Variants in OPCML observed in about 807,000 individuals in gnomAD.
The protein encoded by OPCML is opioid-binding protein/cell adhesion molecule.
In OPCML, 13 loss-of-function variants were observed where a neutral mutation model predicts 37.8. The ratio of observed to expected loss-of-function variants is 0.34; its 90% CI spans 0.22 to 0.55. The LOEUF (loss-of-function observed/expected upper bound fraction) is 0.55, where lower values mean the gene tolerates loss of function less well. Among genes scored for constraint, OPCML ranks in the 20% least tolerant of loss-of-function variants. The probability of loss-of-function intolerance (pLI) is 0.91; values close to 1 mark genes in which losing one functional copy is unlikely to be tolerated. For synonymous variants in OPCML, 176 were observed against 168.8 expected, an observed-to-expected ratio of 1.04 and a Z score of -0.33; for missense variants, 341 against 435.6, an observed-to-expected ratio of 0.78 and a Z score of 1.93.
intron 2 of OPCML, among the ~76,000 whole-genome samples, chr11:132,835,934 A>G (rs757423174): frequency 1.3e-5 from 2 of 152,144 alleles, no homozygotes; most frequent in Non-Finnish European, 2.9e-5. Flanking sequence ...TCTACTTACA[A>G]ATATCCATTT....
At position 133,070,796 on chromosome 11, in the gene OPCML, G is replaced by A. The variant is rs976707917; in HGVS notation, c.62-127786C>T. Among the ~76,000 whole-genome samples the A allele has an allele frequency of 9.8e-5, 15 of 152,336 alleles. 1 individual carries two copies. The East Asian group carries it at 2.3e-3, about 24-fold the overall frequency. On this transcript the variant is annotated intron_variant, in intron 1 of 7. Coordinates refer to ENST00000524381, the MANE Select transcript of OPCML (RefSeq NM_001012393.5). ...GAATGAAAATTGTACCAGGGATAAA[G>A]ACAAAGGAGCAGGGGCTGGGGGTCA... is the stretch of plus-strand genomic sequence containing the variant.
chr11:133,093,093 G>A (rs923792773), intron 1 of OPCML, among the ~76,000 whole-genome samples: 5 of 151,896 alleles, frequency 3.3e-5, no homozygotes, highest in Non-Finnish European at 7.4e-5. Context: ...TATTTCAATA[G>A]GTTTTTGATG....
chr11:133,080,807 T>G (rs1591982632), intron 1 of OPCML, among the ~76,000 whole-genome samples: 1 of 152,180 alleles, frequency 6.6e-6, no homozygotes, highest in Non-Finnish European at 1.5e-5. Context: ...GGCATCTGTT[T>G]GTTCACCTCT....
intron 2 of OPCML, among the ~76,000 whole-genome samples, chr11:132,792,853 G>A (rs780966176): frequency 6.6e-6 from 1 of 152,142 alleles, no homozygotes; most frequent in African/African-American, 2.4e-5. Context: ...ATTATTCGCC[G>A]GGCCCGGGCA....
intron 1 of OPCML, among the ~76,000 whole-genome samples, chr11:133,495,172 T>G (rs1591564513): frequency 6.6e-6 from 1 of 152,334 alleles, no homozygotes; most frequent in East Asian, 1.9e-4. Context: ...TTTCCATTCC[T>G]GAGTTACTTC....
chr11:132,637,989 C>T (rs1028587495), intron 3 of OPCML, among the ~76,000 whole-genome samples: 4 of 152,040 alleles, frequency 2.6e-5, no homozygotes, highest in Non-Finnish European at 5.9e-5. Flanking sequence ...ACCTCATGGG[C>T]AATGAAGTTG....
chr11:132,707,232 C>T (rs541264415), intron 2 of OPCML, among the ~76,000 whole-genome samples: 6 of 152,192 alleles, frequency 3.9e-5, no homozygotes, highest in South Asian at 4.2e-4. Flanking sequence ...GAGCAATATA[C>T]GGAACTGTAT....
intron 1 of OPCML, among the ~76,000 whole-genome samples, chr11:133,366,739 A>T (rs1944548588): frequency 6.6e-6 from 1 of 152,226 alleles, no homozygotes; most frequent in Non-Finnish European, 1.5e-5. Flanking sequence ...CTTCCACAGC[A>T]ACTTAGTATT....
At chr11:132,934,033 G>A (rs1187550167) in intron 2 of OPCML, among the ~76,000 whole-genome samples, 1 of 152,152 alleles carries the variant, frequency 6.6e-6, no homozygotes, top group Non-Finnish European at 1.5e-5. Context: ...ACCAATAACT[G>A]AGACACAGGC....
At position 133,065,146 on chromosome 11, in the gene OPCML, C is replaced by T. The variant is rs73035089; in HGVS notation, c.62-122136G>A. On this transcript the variant is annotated intron_variant, in intron 1 of 7. Transcript: ENST00000524381. ...AGCCGGACCTGGACGAGCATGAAGTCCCGCAGGAGGAAGGCGGCCCAGAGC... is the reference window on the plus strand; with the variant it reads ...AGCCGGACCTGGACGAGCATGAAGTTCCGCAGGAGGAAGGCGGCCCAGAGC... 1,389 of 152,560 alleles carry T rather than the reference C, an allele frequency of 9.1e-3. 10 individuals are homozygous for T. Among genetic ancestry groups the T allele is most frequent in the Non-Finnish European group, 0.015 (1,013 of 68,414 alleles). 9.5% of individuals were successfully genotyped at this position (152,560 alleles called of 1,614,324 possible). A position where few individuals can be genotyped will look rare whatever the true frequency, so the allele number is the denominator to read the frequency against.
chr11:132,935,719 C>G (rs1945346687), intron 2 of OPCML, among the ~76,000 whole-genome samples: 1 of 152,218 alleles, frequency 6.6e-6, no homozygotes, highest in African/African-American at 2.4e-5. Flanking sequence ...CCTGCGCTCT[C>G]TGTGTTCACA....
chr11:133,082,357 G>GC (rs1483749286), intron 1 of OPCML, among the ~76,000 whole-genome samples: 1 of 149,504 alleles, frequency 6.7e-6, no homozygotes, highest in East Asian at 2.0e-4. Context: ...CAGAGGACCC[G>GC]CTGCGCCGTC....
intron 1 of OPCML, among the ~76,000 whole-genome samples, chr11:133,217,378 C>A (rs1176943320): frequency 6.6e-6 from 1 of 152,180 alleles, no homozygotes; most frequent in Non-Finnish European, 1.5e-5. Context: ...ACTCTCAAGG[C>A]CTGAAGGTTT....
intron 1 of OPCML, among the ~76,000 whole-genome samples, chr11:133,489,226 T>C (rs927598192): frequency 6.6e-6 from 1 of 151,556 alleles, no homozygotes; most frequent in African/African-American, 2.4e-5. Context: ...AATAGATAAA[T>C]GGGACTTAAT....
intron 1 of OPCML, among the ~76,000 whole-genome samples, chr11:133,059,552 C>T (rs193232615): frequency 3.5e-4 from 54 of 152,304 alleles, no homozygotes; most frequent in Non-Finnish European, 2.5e-4. Context: ...ACCCAAACGC[C>T]AGTTTCACTT....
intron 4 of OPCML, among the ~76,000 whole-genome samples, chr11:132,443,955 T>G (rs1055503107): frequency 6.6e-6 from 1 of 152,228 alleles, no homozygotes; most frequent in Admixed American, 6.5e-5. Flanking sequence ...GATCCAAGGC[T>G]GACATGAGGT....
chr11:132,504,969 C>T (rs903435358), intron 4 of OPCML, among the ~76,000 whole-genome samples: 2 of 151,958 alleles, frequency 1.3e-5, no homozygotes, highest in African/African-American at 4.8e-5. Context: ...TCAATGAGTG[C>T]CCCCCAAGCC....
At chr11:133,139,871 C>A (rs1023554591) in intron 1 of OPCML, among the ~76,000 whole-genome samples, 1 of 151,940 alleles carries the variant, frequency 6.6e-6, no homozygotes, top group East Asian at 1.9e-4. Context: ...GGAGTCTTAA[C>A]GAGAAGAGGA....
chr11:133,089,641 G>T (rs1948873855), intron 1 of OPCML, among the ~76,000 whole-genome samples: 1 of 152,106 alleles, frequency 6.6e-6, no homozygotes, highest in Admixed American at 6.5e-5. Context: ...GAAAGAATAT[G>T]ATTAAGTCCC....
Sources: gnomAD v4.1 joint callset for allele counts (sites outside exome capture counted in the v4.1 genomes callset) on GRCh38, gnomAD v4.1.1 for gene constraint, MANE v1.5 for transcripts, NCBI Gene and HGNC (gene_info 2026-07-23, HGNC 2026-07-21) for gene names.